Variants in ARRDC2 observed in about 807,000 individuals in gnomAD.
The protein encoded by ARRDC2 is arrestin domain containing 2, also known as arrestin domain-containing protein 2.
In ARRDC2, 39 loss-of-function variants were observed where a neutral mutation model predicts 38.9. The observed-to-expected ratio is 1.00, with a 90% confidence interval of 0.78 to 1.31. The LOEUF (loss-of-function observed/expected upper bound fraction) is 1.31. ARRDC2 is among the 50% of genes most tolerant of loss of function. The probability of loss-of-function intolerance (pLI) is 0.00; values close to 1 mark genes in which losing one functional copy is unlikely to be tolerated. For synonymous variants in ARRDC2, 300 were observed against 261.9 expected (o/e 1.15, Z -1.41); for missense variants, 553 against 588.4 (o/e 0.94, Z 0.62).
At chr19:18,006,475 C>T (rs545631826), upstream of ARRDC2, among the ~76,000 whole-genome samples, 1 of 152,312 alleles carries the variant, frequency 6.6e-6, no homozygotes, top group East Asian at 1.9e-4. Context: ...AAAAACCAGT[C>T]AGGCGTGGCG....
chr19:18,001,155 C>T (rs1468811607), exon 1 of ARRDC2: 2 of 786,254 alleles, frequency 2.5e-6, no homozygotes, highest in Non-Finnish European at 3.3e-6. Context: ...CGACGACGCG[C>T]CCGCCCTGGG....
At chr19:18,006,027 T>C (rs1344335673), upstream of ARRDC2, among the ~76,000 whole-genome samples, 1 of 122,786 alleles carries the variant, frequency 8.1e-6, no homozygotes, top group African/African-American at 3.2e-5. Context: ...TCTCAGACGA[T>C]GGGCGGCCGG....
chr19:18,011,449 T>A (rs8107945), intron 7 of ARRDC2, among the ~76,000 whole-genome samples: 5,439 of 152,234 alleles, frequency 0.036, 307 homozygotes, highest in African/African-American at 0.12. Flanking sequence ...GGATTTTAAT[T>A]GTTGACAGAA....
In ARRDC2 at chr19:18,001,418, C is replaced by A. The variant is rs1003473715; in HGVS notation, c.104C>A (p.Ala35Glu). ...CTGTGCGGCCGGGTGCTGCTGGAGG[C>A]GGCGGCGCCGCTGCGGGTGCGAGCG... is the stretch of plus-strand genomic sequence containing the variant. The change falls in exon 1 of 8, where the codon GCG becomes GAG. Residue 35 changes from alanine to glutamate, a missense_variant. Physicochemically the swap from Ala to Glu is moderately radical, Grantham distance 107. Coordinates refer to the ARRDC2 transcript ENST00000379656. 3.3e-6 allele frequency: 4 copies of A among 1,228,090 alleles called. No homozygotes were observed. In the African/African-American group the frequency reaches 4.7e-5, roughly 14 times the overall value. 76.1% of individuals were successfully genotyped at this position (1,228,090 alleles called of 1,614,324 possible).
chr19:18,006,509 C>A (rs1443990921), upstream of ARRDC2, among the ~76,000 whole-genome samples: 3 of 152,138 alleles, frequency 2.0e-5, no homozygotes, highest in African/African-American at 7.2e-5. Context: ...ATCGCAGGCA[C>A]TCGGCAGGCT....
At chr19:18,011,320 TGTG>T (rs2033407611) in intron 7 of ARRDC2, among the ~76,000 whole-genome samples, 1 of 151,876 alleles carries the variant, frequency 6.6e-6, no homozygotes, top group Admixed American at 6.6e-5. Context: ...TTTGTAGAAA[TGTG>T]GTCTCACTGT....
chr19:18,005,167 T>G (rs2033247629), upstream of ARRDC2, among the ~76,000 whole-genome samples: 1 of 151,968 alleles, frequency 6.6e-6, no homozygotes, highest in Non-Finnish European at 1.5e-5. Context: ...CCCTGGGTAC[T>G]TGAGATTAGG....
At position 18,013,969 on chromosome 19, in the gene ARRDC2, C is replaced by G. The variant is rs2033462270; in HGVS notation, c.*1003C>G. 1 of 152,154 alleles carries G rather than the reference C, an allele frequency of 6.6e-6. No homozygotes were observed. Among genetic ancestry groups the G allele is most frequent in the Non-Finnish European group, 1.5e-5 (1 of 68,040 alleles). 9.4% of individuals were successfully genotyped at this position (152,154 alleles called of 1,614,324 possible). A position where few individuals can be genotyped will look rare whatever the true frequency, so the allele number is the denominator to read the frequency against. ...AAAAGCATTAGAGGGGGCAGCTGGA[C>G]AAGCTCCCAACTGCAGAGTCCCAGC... On this transcript the variant is annotated 3_prime_UTR_variant, in exon 8 of 8. Transcript: ENST00000222250.
upstream of ARRDC2, chr19:18,008,148 C>G (rs1401936649): frequency 3.1e-6 from 2 of 646,710 alleles, no homozygotes; most frequent in African/African-American, 2.3e-5. Context: ...CGTATAAAAG[C>G]GGCGCCGACG....
In ARRDC2 at chr19:18,009,113, C is replaced by T. The variant is rs2146004012; in HGVS notation, c.484C>T (p.Leu162=). 1 of 1,613,490 alleles carries T rather than the reference C, an allele frequency of 6.2e-7. No individual in the cohort carries two copies. Among genetic ancestry groups the T allele is most frequent in the East Asian group, 2.2e-5 (1 of 44,884 alleles). ...IEPVDINTPA[L]LAPQAGAREK... The stretch of plus-strand genomic sequence containing the variant: ...GCCTGTGGACATCAACACGCCAGCC[C>T]TGCTGGTGAGTGGCCACCCTTGGGG... The change falls in exon 3 of 8, where the codon CTG becomes TTG. Residue 162 remains leucine, a synonymous_variant. Transcript: ENST00000222250.
upstream of ARRDC2, among the ~76,000 whole-genome samples, chr19:18,005,302 TG>T (rs979032600): frequency 2.6e-5 from 4 of 152,046 alleles, no homozygotes; most frequent in Admixed American, 2.6e-4. Context: ...AGCACAGGGT[TG>T]GGGGTAGGGT....
upstream of ARRDC2, among the ~76,000 whole-genome samples, chr19:18,006,224 T>G: frequency 6.7e-6 from 1 of 149,684 alleles, no homozygotes; most frequent in African/African-American, 2.5e-5. Flanking sequence ...CCAGACGGGG[T>G]GGCGGCCGGG....
intron 2 of ARRDC2, 89 bp from the exon 3 acceptor site, chr19:18,008,882 C>G (rs1030991008): frequency 4.4e-6 from 7 of 1,595,360 alleles, no homozygotes; most frequent in African/African-American, 1.3e-5. Context: ...GACTCTCCCC[C>G]TGGGAGGCCC....
At position 18,009,843 on chromosome 19, in the gene ARRDC2, G is replaced by A. The variant is rs200584580; in HGVS notation, c.653G>A (p.Arg218Gln). ...GGCTCCACACGTCCTGTGCTGCCTCGGGCAGCCGTGGTGCAGACACAGACG... is the reference window on the plus strand; with the variant it reads ...GGCTCCACACGTCCTGTGCTGCCTCAGGCAGCCGTGGTGCAGACACAGACG... Reference protein sequence around the residue: ...DNGSTRPVLPRAAVVQTQTFM... With the variant: ...DNGSTRPVLPQAAVVQTQTFM... The change falls in exon 5 of 8, where the codon CGG (arginine) becomes CAG (glutamine). Residue 218 changes from arginine to glutamine, a missense_variant. Arg to Gln is a conservative substitution (Grantham distance 43, BLOSUM62 1). Around this residue, in one of 3 missense-constraint regions of ARRDC2, gnomAD observed 447 missense variants for 456.6 expected, o/e 0.98. Transcript: ENST00000222250. 39 of 1,612,256 alleles carry A rather than the reference G, an allele frequency of 2.4e-5. No homozygotes were observed. The highest frequency in any genetic ancestry group is 2.0e-4 in the Admixed American group (12 of 59,992).
chr19:18,013,181 T>C lies in ARRDC2; in HGVS notation c.*215T>C. ...CCTGGACCGCTGTCCTTGTGAGGCA[T>C]TGAATGCCCAGTGCAGTATCCGAGA... is the stretch of plus-strand genomic sequence containing the variant. On this transcript the variant is annotated 3_prime_UTR_variant, in exon 8 of 8. Transcript: ENST00000222250. The C allele has an allele frequency of 1.7e-6, 1 of 580,360 alleles. No homozygotes were observed. The highest frequency in any genetic ancestry group is 3.1e-6 in the Non-Finnish European group (1 of 326,636). The allele number at this position is 580,360 out of a possible 1,614,324, so 36.0% of individuals were successfully genotyped here.
At chr19:18,005,631 GA>G (rs1197557691), upstream of ARRDC2, among the ~76,000 whole-genome samples, 4 of 146,056 alleles carry the variant, frequency 2.7e-5, no homozygotes, top group African/African-American at 1.0e-4. Context: ...CTGACCCCCC[GA>G]CCTCCCTCCC....
chr19:18,006,144 T>G (rs1426090652), upstream of ARRDC2, among the ~76,000 whole-genome samples: 1 of 132,162 alleles, frequency 7.6e-6, no homozygotes, highest in African/African-American at 2.9e-5. Flanking sequence ...CTTTCCAGAC[T>G]GGGCAGCCAG....
chr19:18,005,321 C>T (rs543929964), upstream of ARRDC2, among the ~76,000 whole-genome samples: 1 of 152,068 alleles, frequency 6.6e-6, no homozygotes, highest in Non-Finnish European at 1.5e-5. Flanking sequence ...GGTCACCGAT[C>T]AACAGGATCA....
chr19:18,005,910 C>T (rs1455735973), upstream of ARRDC2, among the ~76,000 whole-genome samples: 1 of 139,828 alleles, frequency 7.2e-6, no homozygotes, highest in Non-Finnish European at 1.5e-5. Flanking sequence ...ACTTCTCAGA[C>T]GGGGCGGCCG....
Sources: allele counts gnomAD v4.1 joint callset (sites outside exome capture counted in the v4.1 genomes callset), GRCh38; gene constraint gnomAD v4.1.1; regional missense constraint gnomAD v4.1.1; transcripts MANE v1.5; gene names NCBI Gene and HGNC (gene_info 2026-07-23, HGNC 2026-07-21).